Variants in GSE1 observed in about 807,000 individuals in gnomAD.
GSE1 encodes genetic suppressor element 1.
In GSE1, 32 loss-of-function variants were observed where a neutral mutation model predicts 112.6. The ratio of observed to expected loss-of-function variants is 0.28; its 90% CI spans 0.21 to 0.38. The LOEUF is 0.38. Among genes scored for constraint, GSE1 ranks in the 10% least tolerant of loss-of-function variants. The pLI is 1.00. For synonymous variants in GSE1, 1,115 were observed against 735.6 expected, an observed-to-expected ratio of 1.52 and a Z score of -8.35; for missense variants, 2,348 against 1,699.2, an observed-to-expected ratio of 1.38 and a Z score of -6.71.
chr16:85,385,344 G>A (rs2047664481), intron 2 of GSE1, among the ~76,000 whole-genome samples: 1 of 152,238 alleles, frequency 6.6e-6, no homozygotes, highest in African/African-American at 2.4e-5. Context: ...CTGTGTGTGA[G>A]GCCAGGGCTC....
chr16:85,554,393 G>A (rs1405659195), upstream of GSE1, among the ~76,000 whole-genome samples: 1 of 152,198 alleles, frequency 6.6e-6, no homozygotes, highest in East Asian at 1.9e-4. Flanking sequence ...AAATTAGCCG[G>A]GGCTTTCGTT....
chr16:85,239,182 T>G (rs913593589), intron 1 of GSE1, among the ~76,000 whole-genome samples: 2 of 152,186 alleles, frequency 1.3e-5, no homozygotes. Context: ...TCCACCCACC[T>G]CTGCCTCCCA....
intron 2 of GSE1, among the ~76,000 whole-genome samples, chr16:85,450,389 A>AT (rs889709083): frequency 6.6e-6 from 1 of 151,720 alleles, no homozygotes; most frequent in Non-Finnish European, 1.5e-5. Flanking sequence ...AAGTACAGGG[A>AT]TTATAGGCAT....
intron 14 of GSE1, 23 bp downstream of exon 14, chr16:85,668,447 G>A (rs186029940): frequency 1.3e-5 from 19 of 1,493,084 alleles, no homozygotes; most frequent in East Asian, 6.8e-5. Flanking sequence ...TGGGGAAGAG[G>A]GGGGAGGGGG....
At chr16:85,525,948 C>A (rs994982083) in intron 2 of GSE1, among the ~76,000 whole-genome samples, 3 of 152,194 alleles carry the variant, frequency 2.0e-5, no homozygotes, top group Non-Finnish European at 2.9e-5. Context: ...CACCAGCCAG[C>A]AGCCTTGGAC....
chr16:85,292,788 C>G (rs1395557797), intron 1 of GSE1, among the ~76,000 whole-genome samples: 2 of 152,120 alleles, frequency 1.3e-5, no homozygotes, highest in African/African-American at 4.8e-5. Context: ...GTGTACAGTT[C>G]GGGGGCATTT....
rs917676664 is a variant in GSE1 at position 85,253,736 on chromosome 16, C to T, written c.2283+81929C>T. On this transcript the variant is annotated intron_variant, in intron 1 of 2. Coordinates refer to the GSE1 transcript ENST00000637419. ...AGAAGGAGGGTGGCAAGAGTGCTCC[C>T]GGTGGAGGGAACTGTGCGTGCAAAG... 6.6e-5 allele frequency among the ~76,000 whole-genome samples: 10 copies of T among 152,034 alleles called. No individual in the cohort carries two copies. In the East Asian group the frequency reaches 1.5e-3, roughly 23 times the overall value.
intron 3 of GSE1, among the ~76,000 whole-genome samples, chr16:85,652,687 G>A (rs544466284): frequency 3.0e-4 from 45 of 152,152 alleles, no homozygotes; most frequent in Non-Finnish European, 5.6e-4. Flanking sequence ...ACCGTCTGCC[G>A]CTATGAAGAT....
At chr16:85,208,856 G>T (rs1241607313) in intron 1 of GSE1, among the ~76,000 whole-genome samples, 3 of 107,312 alleles carry the variant, frequency 2.8e-5, no homozygotes, top group African/African-American at 9.6e-5. Context: ...CCTGTGTTGG[G>T]GTTCACCATA....
intron 1 of GSE1, among the ~76,000 whole-genome samples, chr16:85,352,959 C>T (rs1190033005): frequency 2.6e-5 from 4 of 152,224 alleles, no homozygotes; most frequent in African/African-American, 9.6e-5. Flanking sequence ...AACACTGATA[C>T]CTAGGCCAGG....
chr16:85,189,981 T>G (rs1203539951), intron 1 of GSE1, among the ~76,000 whole-genome samples: 2 of 152,210 alleles, frequency 1.3e-5, no homozygotes, highest in South Asian at 2.1e-4. Flanking sequence ...TTGAACCAGT[T>G]TTTTGGGGGG....
At chr16:85,611,605 T>G (rs556303097), upstream of GSE1, 1 of 515,246 alleles carries the variant, frequency 1.9e-6, no homozygotes, top group South Asian at 8.4e-5. Flanking sequence ...CCCGGAGCCT[T>G]GTGCAAGGCG....
chr16:85,251,603 G>GGCCT (rs1181705107), intron 1 of GSE1, among the ~76,000 whole-genome samples: 1 of 152,210 alleles, frequency 6.6e-6, no homozygotes, highest in Non-Finnish European at 1.5e-5. Flanking sequence ...CTGGGCCCGG[G>GGCCT]GCCTGCCTGC....
chr16:85,252,489 C>A (rs1906597327), intron 1 of GSE1, among the ~76,000 whole-genome samples: 1 of 152,242 alleles, frequency 6.6e-6, no homozygotes, highest in African/African-American at 2.4e-5. Flanking sequence ...CCCCTGAGCC[C>A]CTTGGGCACA....
At chr16:85,340,193 G>GA (rs933384130) in intron 1 of GSE1, among the ~76,000 whole-genome samples, 24 of 151,910 alleles carry the variant, frequency 1.6e-4, no homozygotes, top group Admixed American at 3.9e-4. Context: ...ACAAAATATA[G>GA]AAAAAAATTA....
intron 2 of GSE1, among the ~76,000 whole-genome samples, chr16:85,512,727 C>A (rs553669680): frequency 6.6e-6 from 1 of 152,130 alleles, no homozygotes; most frequent in Non-Finnish European, 1.5e-5. Context: ...AAAGCGCTCC[C>A]ATCACCCAGG....
chr16:85,188,954 C>G (rs914205124), intron 1 of GSE1, among the ~76,000 whole-genome samples: 25 of 152,140 alleles, frequency 1.6e-4, no homozygotes, highest in African/African-American at 5.3e-4. Flanking sequence ...GAGAGAGGAT[C>G]AGTGGCTTTT....
At chr16:85,554,911 AGCACCCTGCCTTCGGCAGCG>A, upstream of GSE1, 1 of 985,290 alleles carries the variant, frequency 1.0e-6, no homozygotes, top group South Asian at 4.7e-5. Context: ...AGCGAAGGGG[AGCACCCTGCCTTCGGCAGCG>A]GCACCCTCCC....
chr16:85,526,240 C>T (rs2052361374), intron 2 of GSE1, among the ~76,000 whole-genome samples: 1 of 152,268 alleles, frequency 6.6e-6, no homozygotes, highest in South Asian at 2.1e-4. Context: ...CAGGGATTAG[C>T]TCGAGAACCC....
Sources: allele counts gnomAD v4.1 joint callset (sites outside exome capture counted in the v4.1 genomes callset), GRCh38; gene constraint gnomAD v4.1.1; transcripts MANE v1.5; gene names NCBI Gene and HGNC (gene_info 2026-07-23, HGNC 2026-07-21).